Variants in RGS7 observed in about 807,000 individuals in gnomAD.
RGS7 encodes regulator of G protein signaling 7, also known as regulator of G-protein signaling 7.
RGS7 carries 27 observed loss-of-function variants against 81.1 expected under a neutral mutation model. The ratio of observed to expected loss-of-function variants is 0.33; its 90% CI spans 0.25 to 0.46. RGS7 has a LOEUF of 0.46. Among genes scored for constraint, RGS7 ranks in the 20% least tolerant of loss-of-function variants. The probability of loss-of-function intolerance (pLI) is 1.00; values close to 1 mark genes in which losing one functional copy is unlikely to be tolerated. For synonymous variants in RGS7, 208 were observed against 207.7 expected, an observed-to-expected ratio of 1.00 and a Z score of -0.01; for missense variants, 396 against 607.4, an observed-to-expected ratio of 0.65 and a Z score of 3.66.
intron 2 of RGS7, among the ~76,000 whole-genome samples, chr1:241,128,530 A>C (rs2066851709): frequency 6.6e-6 from 1 of 152,018 alleles, no homozygotes. Flanking sequence ...GGTTACAGTG[A>C]GCCGAGATTG....
Position 241,118,137 on chromosome 1 carries a change from C to G in RGS7, c.79-19375G>C, listed in dbSNP as rs564762654. Among the ~76,000 whole-genome samples the G allele has an allele frequency of 3.9e-5, 6 of 152,248 alleles. No homozygotes were observed. The South Asian group carries it at 1.2e-3, about 32-fold the overall frequency. ...ATAAAAATTAAAATAGATTTTACAA[C>G]CTTCTTAAATGTTTTTACAACCCAC... On this transcript the variant is annotated intron_variant, in intron 2 of 18. Coordinates refer to ENST00000440928, the MANE Select transcript of RGS7 (RefSeq NM_001364886.1).
chr1:241,280,958 T>C (rs2078468451), intron 2 of RGS7, among the ~76,000 whole-genome samples: 1 of 152,214 alleles, frequency 6.6e-6, no homozygotes, highest in Non-Finnish European at 1.5e-5. Context: ...GGTCCATTTA[T>C]ATGCAGATTT....
At chr1:241,078,309 G>C (rs2062934751) in intron 3 of RGS7, among the ~76,000 whole-genome samples, 1 of 133,902 alleles carries the variant, frequency 7.5e-6, no homozygotes, top group African/African-American at 2.7e-5. Flanking sequence ...CTCTGTGTGT[G>C]TGTGTGTGTG....
intron 5 of RGS7, among the ~76,000 whole-genome samples, chr1:240,933,105 ATC>A (rs1240461233): frequency 6.7e-6 from 1 of 150,374 alleles, no homozygotes; most frequent in Non-Finnish European, 1.5e-5. Context: ...GATGGTCTCC[ATC>A]TCCTGACCTC....
intron 2 of RGS7, among the ~76,000 whole-genome samples, chr1:241,236,985 CACG>C (rs2076015617): frequency 6.6e-6 from 1 of 152,168 alleles, no homozygotes; most frequent in Admixed American, 6.5e-5. Flanking sequence ...CCATGAAGAG[CACG>C]ACAAGGGAAA....
At chr1:241,118,202 T>C (rs578259065) in intron 2 of RGS7, among the ~76,000 whole-genome samples, 10 of 152,278 alleles carry the variant, frequency 6.6e-5, no homozygotes, top group South Asian at 4.1e-4. Flanking sequence ...TAAGAGACTA[T>C]TGGGTACATT....
intron 2 of RGS7, among the ~76,000 whole-genome samples, chr1:241,307,798 A>T (rs984158613): frequency 6.6e-6 from 1 of 151,550 alleles, no homozygotes; most frequent in Non-Finnish European, 1.5e-5. Context: ...GAATGACTGA[A>T]TGAATGAATG....
intron 2 of RGS7, among the ~76,000 whole-genome samples, chr1:241,110,253 C>T (rs746596690): frequency 2.0e-4 from 30 of 151,988 alleles, no homozygotes; most frequent in Admixed American, 1.2e-3. Context: ...CCTGGAAGTC[C>T]GAATCAATAG....
chr1:241,119,468 T>C (rs1290420757), intron 2 of RGS7, among the ~76,000 whole-genome samples: 1 of 152,242 alleles, frequency 6.6e-6, no homozygotes, highest in South Asian at 2.1e-4. Context: ...TTACCTGAGA[T>C]GTAGAATCTG....
intron 10 of RGS7, among the ~76,000 whole-genome samples, chr1:240,820,567 G>A (rs1356743806): frequency 2.0e-5 from 3 of 152,006 alleles, no homozygotes; most frequent in Admixed American, 1.3e-4. Flanking sequence ...ATTAAAAGGT[G>A]GGGACTTTGG....
chr1:240,828,169 T>C (rs1019106239), intron 9 of RGS7, among the ~76,000 whole-genome samples: 1 of 152,134 alleles, frequency 6.6e-6, no homozygotes, highest in Admixed American at 6.5e-5. Flanking sequence ...AACAGAGGGG[T>C]TGATGAAGTA....
rs773126805 is a variant in RGS7, at chr1:240,802,883, CA to C, written c.1359+20del. ...AACTGAGAACTAGGCCAAGAAAAAA[CA>C]ACTCACAAAAAACCAGTACCTTTTT... On this transcript the variant is annotated intron_variant, in intron 16 of 18. Transcript: ENST00000440928. 1.3e-6 allele frequency: 2 copies of C among 1,515,696 alleles called. No individual in the cohort carries two copies. The highest frequency in any genetic ancestry group is 1.7e-5 in the Admixed American group (1 of 59,830). The allele number at this position is 1,515,696 out of a possible 1,614,324, so 93.9% of individuals were successfully genotyped here.
At position 240,926,341 on chromosome 1, in the gene RGS7, C is replaced by T. The variant is rs375425043; in HGVS notation, c.385+4376G>A. 2.2e-4 allele frequency among the ~76,000 whole-genome samples: 34 copies of T among 152,244 alleles called. No individual in the cohort carries two copies. In the East Asian group the frequency reaches 5.4e-3, roughly 24 times the overall value. ...TATATGGTACAAGGTAGCGGTCCAG[C>T]TTCATTCTTCTGCATGTGGCTAGCC... On this transcript the variant is annotated intron_variant, in intron 6 of 18. Transcript: ENST00000440928.
chr1:240,871,991 C>T (rs1403806631), intron 6 of RGS7, among the ~76,000 whole-genome samples: 1 of 152,122 alleles, frequency 6.6e-6, no homozygotes, highest in Admixed American at 6.6e-5. Context: ...ATGTTTCTCA[C>T]CATTAGGTAC....
intron 3 of RGS7, among the ~76,000 whole-genome samples, chr1:241,076,631 C>T (rs2062817055): frequency 6.6e-6 from 1 of 152,080 alleles, no homozygotes; most frequent in African/African-American, 2.4e-5. Flanking sequence ...GATCTTTGGA[C>T]TTAATTTAGT....
rs1186159938 is a variant in RGS7 at position 240,902,353 on chromosome 1, G to A, written c.385+28364C>T. Among the ~76,000 whole-genome samples the A allele has an allele frequency of 2.6e-5, 4 of 152,234 alleles. No homozygotes were observed. The East Asian group carries it at 7.7e-4, about 29-fold the overall frequency. ...TCTCATGGTAATATTTTGCCAAGATGATGAAATAAAATGTTAACTTAAAAT... is the reference window on the plus strand; with the variant it reads ...TCTCATGGTAATATTTTGCCAAGATAATGAAATAAAATGTTAACTTAAAAT... On this transcript the variant is annotated intron_variant, in intron 6 of 18. Transcript: ENST00000440928.
In RGS7 at chr1:240,993,248, GGAAAGA is replaced by G. The variant is rs1558568982; in HGVS notation, c.176-10125_176-10120del. Among the ~76,000 whole-genome samples, 17 of 149,048 alleles carry G rather than the reference GGAAAGA, an allele frequency of 1.1e-4. 1 individual carries two copies. Among genetic ancestry groups the G allele is most frequent in the Admixed American group, 3.4e-4 (5 of 14,808 alleles). ...AAGGAAAGAAGGAGAAAGAAAGAGAGGAAAGAAAGAAAGAAAGAAAAAGAAAGAAAG... is the reference window on the plus strand; with the variant it reads ...AAGGAAAGAAGGAGAAAGAAAGAGAGAAGAAAGAAAGAAAAAGAAAGAAAG... On this transcript the variant is annotated intron_variant, in intron 3 of 18. Coordinates refer to ENST00000440928, the MANE Select transcript of RGS7 (RefSeq NM_001364886.1).
chr1:240,887,034 T>C lies in RGS7; in HGVS notation c.386-16915A>G, dbSNP rs150868754. 2.4e-4 allele frequency among the ~76,000 whole-genome samples: 36 copies of C among 152,232 alleles called. 1 individual carries two copies. In the East Asian group the frequency reaches 4.1e-3, roughly 17 times the overall value. On this transcript the variant is annotated intron_variant, in intron 6 of 18. Transcript: ENST00000440928. ...AAAGATACTTGGTGTGTCTATTCCA[T>C]AGGACTGAGGTAAGAATTCTTGGAG...
chr1:241,141,763 A>G (rs1490905417), intron 2 of RGS7, among the ~76,000 whole-genome samples: 1 of 152,178 alleles, frequency 6.6e-6, no homozygotes, highest in Non-Finnish European at 1.5e-5. Flanking sequence ...CAGACAAACC[A>G]TATCATTATG....
Sources: allele counts gnomAD v4.1 joint callset (sites outside exome capture counted in the v4.1 genomes callset), GRCh38; gene constraint gnomAD v4.1.1; transcripts MANE v1.5; gene names NCBI Gene and HGNC (gene_info 2026-07-23, HGNC 2026-07-21).